Variants in PCDHGA5 observed in about 807,000 individuals in gnomAD.
PCDHGA5 encodes the protein protocadherin gamma subfamily A, 5, also known as protocadherin gamma-A5.
In PCDHGA5, 36 loss-of-function variants were observed where a neutral mutation model predicts 56.7. The observed-to-expected ratio is 0.64, with a 90% CI of 0.49 to 0.84. The LOEUF (loss-of-function observed/expected upper bound fraction) is 0.84, where lower values mean the gene tolerates loss of function less well. Among genes scored for constraint, PCDHGA5 ranks in the 40% least tolerant of loss-of-function variants. The probability of loss-of-function intolerance (pLI) is 0.00; values close to 1 mark genes in which losing one functional copy is unlikely to be tolerated. For synonymous variants in PCDHGA5, 563 were observed against 520.2 expected, an observed-to-expected ratio of 1.08 and a Z score of -1.12; for missense variants, 1,305 against 1,201.5, an observed-to-expected ratio of 1.09 and a Z score of -1.27.
At chr5:141,420,558 C>T (rs1373350109) in intron 1 of PCDHGA5, 1 of 248,240 alleles carries the variant, frequency 4.0e-6, no homozygotes, top group Non-Finnish European at 7.5e-6. Flanking sequence ...TATATTTTTA[C>T]GGCATGGTAT....
chr5:141,395,181 T>C (rs758854683), intron 1 of PCDHGA5: 3 of 1,614,030 alleles, frequency 1.9e-6, no homozygotes, highest in Non-Finnish European at 2.5e-6. Context: ...GAAAAATGAT[T>C]CTTTGTTAAC....
intron 1 of PCDHGA5, among the ~76,000 whole-genome samples, chr5:141,465,119 A>T (rs2099097382): frequency 6.6e-6 from 1 of 151,780 alleles, no homozygotes; most frequent in Non-Finnish European, 1.5e-5. Flanking sequence ...GTTTTAGCCT[A>T]AATTTGTAAA....
At chr5:141,375,495 T>C (rs1771526173) in intron 1 of PCDHGA5, 13 of 1,613,800 alleles carry the variant, frequency 8.1e-6, no homozygotes, top group Non-Finnish European at 1.1e-5. Flanking sequence ...GGTGCCTCCA[T>C]CTTCTCTGTG....
intron 1 of PCDHGA5, chr5:141,375,377 C>CT: frequency 1.2e-6 from 2 of 1,613,940 alleles, no homozygotes; most frequent in South Asian, 2.2e-5. Context: ...AACACCACCT[C>CT]TGTCTACAGA....
In PCDHGA5 at chr5:141,477,806, G is replaced by T; in HGVS notation, c.2422-17001G>T. ...ATTTGTCACTGATCGCAATGACAAT[G>T]CCCCCCAGGTCCTATATCCTCGGCC... On this transcript the variant is annotated intron_variant, in intron 1 of 3. Coordinates refer to ENST00000518069, the MANE Select transcript of PCDHGA5 (RefSeq NM_018918.3). The surrounding 1 kb of genome is among the most constrained non-coding windows in gnomAD (Gnocchi z 4.9). 6.2e-7 allele frequency: 1 copy of T among 1,614,118 alleles called. No homozygotes were observed. The highest frequency in any genetic ancestry group is 8.5e-7 in the Non-Finnish European group (1 of 1,180,036).
intron 1 of PCDHGA5, chr5:141,383,627 C>G: frequency 1.2e-6 from 2 of 1,613,952 alleles, no homozygotes; most frequent in South Asian, 1.1e-5. Context: ...CCTGTCTTCT[C>G]TCTGCCTCAG....
chr5:141,375,842 C>CT (rs1331781655), intron 1 of PCDHGA5: 1 of 1,614,004 alleles, frequency 6.2e-7, no homozygotes, highest in Non-Finnish European at 8.5e-7. Flanking sequence ...GCCCGGCTAC[C>CT]TGGTGACCAA....
At position 141,364,956 on chromosome 5, in the gene PCDHGA5, A is replaced by G; in HGVS notation, c.626A>G (p.Asp209Gly). The G allele has an allele frequency of 1.2e-6, 2 of 1,613,264 alleles. No homozygotes were observed. The highest frequency in any genetic ancestry group is 1.7e-6 in the Non-Finnish European group (2 of 1,179,748). The change falls in exon 1 of 4, where the codon GAC becomes GGC. Residue 209 changes from aspartate to glycine, a missense_variant. Transcript: ENST00000518069. ...GACCGCGAGAAAGAGACTGTTCACG[A>G]CCTCCTCCTCACAGCTTTAGATGGC... ...PLDREKETVH[D>G]LLLTALDGGD...
intron 1 of PCDHGA5, among the ~76,000 whole-genome samples, chr5:141,463,518 G>T (rs537466389): frequency 7.2e-6 from 1 of 139,068 alleles, no homozygotes; most frequent in African/African-American, 2.8e-5. Context: ...GCGTGATCTC[G>T]GCTTACTAGA....
chr5:141,408,643 C>G (rs751905674), intron 1 of PCDHGA5: 2 of 1,613,910 alleles, frequency 1.2e-6, no homozygotes, highest in Admixed American at 1.7e-5. Context: ...AATCTGCATC[C>G]GCTGGTACAC....
At chr5:141,394,800 G>A in intron 1 of PCDHGA5, 1 of 1,613,850 alleles carries the variant, frequency 6.2e-7, no homozygotes, top group East Asian at 2.2e-5. Context: ...GCTCACCGTA[G>A]CCGTGGCTGA....
Position 141,432,388 on chromosome 5 carries a change from C to T in PCDHGA5, c.2422-62419C>T. The T allele has an allele frequency of 6.2e-7, 1 of 1,614,258 alleles. No homozygotes were observed. The highest frequency in any genetic ancestry group is 2.2e-5 in the East Asian group (1 of 44,892). The stretch of plus-strand genomic sequence containing the variant: ...GGGACAACGGGCACCCGCCCCTCAG[C>T]AGCAACGTGTCGTTGAGCCTGTTCG... On this transcript the variant is annotated intron_variant, in intron 1 of 3. Transcript: ENST00000518069. This position sits in a 1 kb window ranked among gnomAD's most constrained non-coding sequence, Gnocchi z 6.0.
At chr5:141,471,046 C>CTTT (rs1170588345) in intron 1 of PCDHGA5, among the ~76,000 whole-genome samples, 3 of 113,252 alleles carry the variant, frequency 2.6e-5, no homozygotes, top group Non-Finnish European at 5.4e-5. Context: ...CCCAAGCCCT[C>CTTT]TTTTTTTTTT....
At position 141,486,250 on chromosome 5, in the gene PCDHGA5, C is replaced by T; in HGVS notation, c.2422-8557C>T. 1 of 1,614,140 alleles carries T rather than the reference C, an allele frequency of 6.2e-7. No homozygotes were observed. The highest frequency in any genetic ancestry group is 2.2e-5 in the East Asian group (1 of 44,872). On this transcript the variant is annotated intron_variant, in intron 1 of 3. Coordinates refer to ENST00000518069, the MANE Select transcript of PCDHGA5 (RefSeq NM_018918.3). The surrounding 1 kb of genome is among the most constrained non-coding windows in gnomAD (Gnocchi z 5.0). ...CAGTGACCTCAGAGCTTGGAACCCT[C>T]CCCGAGAGTGCAGAACCTGGCACTG...
Position 141,400,401 on chromosome 5 carries a change from G to A in PCDHGA5, c.2421+33650G>A, listed in dbSNP as rs760681088. 4 of 1,613,936 alleles carry A rather than the reference G, an allele frequency of 2.5e-6. No homozygotes were observed. The South Asian group carries it at 4.4e-5, about 18-fold the overall frequency. ...TATGTGTTGCACATACAGGAAAGAC[G>A]GAGTTTAATTTCCTAAAATGTAGTG... On this transcript the variant is annotated intron_variant, in intron 1 of 3. Transcript: ENST00000518069.
intron 1 of PCDHGA5, chr5:141,420,092 G>A: frequency 1.2e-6 from 2 of 1,614,020 alleles, no homozygotes; most frequent in Non-Finnish European, 1.7e-6. Flanking sequence ...CAACTACAGT[G>A]AGGGAACGTT....
rs1231121250 is a variant in PCDHGA5 at position 141,399,544 on chromosome 5, T to G, written c.2421+32793T>G. The G allele has an allele frequency of 5.6e-6, 9 of 1,614,022 alleles. No individual in the cohort carries two copies. The highest frequency in any genetic ancestry group is 7.6e-6 in the Non-Finnish European group (9 of 1,179,882). ...GGCCTCCATCGCGCAAGTCTGCGCCTCGGACCTGGACTTGGGGTTGAACGG... is the reference window on the plus strand; with the variant it reads ...GGCCTCCATCGCGCAAGTCTGCGCCGCGGACCTGGACTTGGGGTTGAACGG... On this transcript the variant is annotated intron_variant, in intron 1 of 3. Transcript: ENST00000518069.
intron 1 of PCDHGA5, chr5:141,419,897 A>G: frequency 1.2e-6 from 2 of 1,613,960 alleles, no homozygotes; most frequent in African/African-American, 2.7e-5. Flanking sequence ...CGACCATCCC[A>G]CACCCTCTGA....
intron 1 of PCDHGA5, chr5:141,400,289 G>A: frequency 6.2e-7 from 1 of 1,614,074 alleles, no homozygotes; most frequent in South Asian, 1.1e-5. Context: ...GCCGCCTGGA[G>A]CTGCTTCCAA....
Sources: allele counts gnomAD v4.1 joint callset (sites outside exome capture counted in the v4.1 genomes callset), GRCh38; gene constraint gnomAD v4.1.1; non-coding constraint Gnocchi (gnomAD v3.1); transcripts MANE v1.5; gene names NCBI Gene and HGNC (gene_info 2026-07-23, HGNC 2026-07-21).